TOP2B: variants seen among roughly 807,000 people sequenced by gnomAD.
TOP2B encodes DNA topoisomerase II beta.
A neutral mutation model predicts 193.5 loss-of-function variants in TOP2B; 51 were observed. The ratio of observed to expected loss-of-function variants is 0.26; its 90% CI spans 0.21 to 0.33. TOP2B has a LOEUF of 0.33. TOP2B is among the 10% of genes least tolerant of loss of function. The pLI is 1.00. For missense variants in TOP2B, 1,378 were observed against 1,909.3 expected (o/e 0.72, Z 5.19); for synonymous variants, 634 against 635.7 (o/e 1.00, Z 0.04).
chr3:25,609,856 A>T, intron 28 of TOP2B, 144 bp from the exon 29 acceptor site: 1 of 701,492 alleles, frequency 1.4e-6, no homozygotes, highest in Non-Finnish European at 2.1e-6. Flanking sequence ...GCTGACTTTG[A>T]TCAGACCATG....
At chr3:25,609,015 T>C (rs1390820639) in intron 30 of TOP2B, among the ~76,000 whole-genome samples, 168 bp downstream of exon 30, 2 of 152,202 alleles carry the variant, frequency 1.3e-5, no homozygotes, top group Non-Finnish European at 2.9e-5. Context: ...GAGAAATTTA[T>C]GTCCAACTTT....
chr3:25,644,300 G>A (rs1703349868), intron 2 of TOP2B, among the ~76,000 whole-genome samples: 1 of 152,102 alleles, frequency 6.6e-6, no homozygotes, highest in South Asian at 2.1e-4. Context: ...AGGATCAAAT[G>A]AGATAATATA....
intron 16 of TOP2B, 80 bp from the exon 17 acceptor site, chr3:25,626,944 ATAAC>A: frequency 1.2e-6 from 1 of 855,838 alleles, no homozygotes; most frequent in Non-Finnish European, 1.8e-6. Flanking sequence ...TAAGTGGCCA[ATAAC>A]TAATTCTTAA....
intron 21 of TOP2B, among the ~76,000 whole-genome samples, chr3:25,623,207 G>A (rs1049515308): frequency 9.2e-5 from 14 of 152,292 alleles, no homozygotes; most frequent in African/African-American, 2.9e-4. Flanking sequence ...ACAGAAACAA[G>A]GTTACACATA....
chr3:25,622,003 A>G (rs1401358098), intron 21 of TOP2B, among the ~76,000 whole-genome samples: 4 of 151,852 alleles, frequency 2.6e-5, no homozygotes, highest in Non-Finnish European at 4.4e-5. Flanking sequence ...AAAAAAAAAA[A>G]GAAAGAAAGA....
At chr3:25,607,027 A>G (rs1702252186) in intron 31 of TOP2B, 144 bp downstream of exon 31, 2 of 1,218,640 alleles carry the variant, frequency 1.6e-6, no homozygotes, top group Admixed American at 6.0e-5. Flanking sequence ...TGATGGGAAC[A>G]GCTGCAATAT....
intron 8 of TOP2B, among the ~76,000 whole-genome samples, chr3:25,633,057 A>G (rs1159152920): frequency 1.3e-5 from 2 of 152,056 alleles, no homozygotes; most frequent in African/African-American, 4.8e-5. Flanking sequence ...CAATTCTCTG[A>G]TTCTCCAGAC....
At chr3:25,645,279 A>G (rs748866885) in intron 2 of TOP2B, 21 bp downstream of exon 2, 53 of 1,506,470 alleles carry the variant, frequency 3.5e-5, no homozygotes, top group Non-Finnish European at 4.7e-5. Flanking sequence ...CCTAATTTCA[A>G]TCAATTTTAG....
chr3:25,655,243 A>G (rs1304436214), intron 1 of TOP2B, among the ~76,000 whole-genome samples: 1 of 152,230 alleles, frequency 6.6e-6, no homozygotes, highest in African/African-American at 2.4e-5. Flanking sequence ...TCAATAGACA[A>G]TTCTCCAAAT....
intron 1 of TOP2B, among the ~76,000 whole-genome samples, chr3:25,660,332 GCTCT>G (rs1274447855): frequency 2.6e-5 from 4 of 152,090 alleles, no homozygotes; most frequent in East Asian, 1.9e-4. Flanking sequence ...GAAAATACAT[GCTCT>G]CTAACTTCAG....
intron 8 of TOP2B, 99 bp downstream of exon 8, chr3:25,633,742 T>A: frequency 9.8e-7 from 1 of 1,015,802 alleles, no homozygotes; most frequent in South Asian, 2.3e-5. Context: ...AAAACAGATT[T>A]GGGTTTTTTG....
At chr3:25,655,844 CAG>C (rs1339236203) in intron 1 of TOP2B, among the ~76,000 whole-genome samples, 1 of 152,062 alleles carries the variant, frequency 6.6e-6, no homozygotes, top group African/African-American at 2.4e-5. Context: ...ATCATAGAAA[CAG>C]AAAGTAGAAA....
intron 1 of TOP2B, among the ~76,000 whole-genome samples, chr3:25,651,693 G>A (rs536820999): frequency 3.3e-5 from 5 of 151,390 alleles, no homozygotes; most frequent in East Asian, 1.9e-4. Flanking sequence ...ATGGTAAAAC[G>A]CCATCTCTAC....
chr3:25,622,623 TA>T lies in TOP2B; in HGVS notation c.2727+891del, dbSNP rs373211027. Among the ~76,000 whole-genome samples the T allele has an allele frequency of 3.7e-3, 519 of 138,752 alleles. 3 individuals carry two copies. Among genetic ancestry groups the T allele is most frequent in the African/African-American group, 0.012 (472 of 38,210 alleles). 91.0% of individuals were successfully genotyped at this position (138,752 alleles called of 152,430 possible). A position where few individuals can be genotyped will look rare whatever the true frequency, so the allele number is the denominator to read the frequency against. On this transcript the variant is annotated intron_variant, in intron 21 of 35. Coordinates refer to ENST00000264331, the MANE Select transcript of TOP2B (RefSeq NM_001330700.2). ...GAATGATACAAGAAAACAACAAACA[TA>T]AAAAAAAAATGGGGATTTTTTTTTT... is the stretch of plus-strand genomic sequence containing the variant.
chr3:25,659,685 T>C (rs373556636), intron 1 of TOP2B, among the ~76,000 whole-genome samples: 1 of 152,198 alleles, frequency 6.6e-6, no homozygotes, highest in East Asian at 1.9e-4. Context: ...TAAGTACACA[T>C]ATTCTGAAAA....
intron 2 of TOP2B, among the ~76,000 whole-genome samples, chr3:25,644,101 C>CTT (rs34502850): frequency 1.4e-5 from 2 of 140,692 alleles, no homozygotes; most frequent in Non-Finnish European, 1.6e-5. Flanking sequence ...AAAATTAATG[C>CTT]TTTTTTTTTT....
At chr3:25,639,183 T>C (rs975943432) in intron 4 of TOP2B, among the ~76,000 whole-genome samples, 4 of 152,202 alleles carry the variant, frequency 2.6e-5, no homozygotes, top group African/African-American at 9.6e-5. Flanking sequence ...AAGAAATGTC[T>C]ACATATATAA....
At chr3:25,625,667 T>C (rs1026888559) in intron 18 of TOP2B, among the ~76,000 whole-genome samples, 8 of 152,218 alleles carry the variant, frequency 5.3e-5, no homozygotes, top group Admixed American at 1.3e-4. Flanking sequence ...CCAAGACAAT[T>C]CTTCCTCTTC....
Position 25,626,570 on chromosome 3 carries a change from A to G in TOP2B, c.2214T>C (p.Ser738=), listed in dbSNP as rs1307388286. ...SNSDNERSIP[S]LVDGFKPGQR... is the part of the protein sequence containing the mutation. The stretch of plus-strand genomic sequence containing the variant: ...TTAAATATTACTCACCATCAACAAG[A>G]GATGGTATAGATCTTTCATTGTCTG... Residue 738 remains serine (S), a synonymous_variant, in exon 18 of 36, where the codon TCT becomes TCC. Coordinates refer to ENST00000264331, the MANE Select transcript of TOP2B (RefSeq NM_001330700.2). The G allele has an allele frequency of 4.7e-6, 7 of 1,483,066 alleles. No homozygotes were observed. Among genetic ancestry groups the G allele is most frequent in the Non-Finnish European group, 6.3e-6 (7 of 1,108,024 alleles). The allele number at this position is 1,483,066 out of a possible 1,614,324, so 91.9% of individuals were successfully genotyped here.
Sources: allele counts gnomAD v4.1 joint callset (sites outside exome capture counted in the v4.1 genomes callset), GRCh38; gene constraint gnomAD v4.1.1; transcripts MANE v1.5; gene names NCBI Gene and HGNC (gene_info 2026-07-23, HGNC 2026-07-21).